Variants in CADM2 observed in about 807,000 individuals in gnomAD.
The protein encoded by CADM2 is cell adhesion molecule 2, also known as immunoglobulin superfamily member 4D.
CADM2 carries 12 observed loss-of-function variants against 49.8 expected under a neutral mutation model. That is an observed-to-expected ratio of 0.24 (90% confidence interval 0.15 to 0.39). The LOEUF is 0.39. CADM2 is among the 10% of genes least tolerant of loss of function. The probability of loss-of-function intolerance (pLI) is 1.00; values close to 1 mark genes in which losing one functional copy is unlikely to be tolerated. For missense variants in CADM2, 378 were observed against 492.3 expected (o/e 0.77, Z 2.20); for synonymous variants, 214 against 175.4 (o/e 1.22, Z -1.74).
chr3:85,038,566 C>T (rs1243164456), intron 1 of CADM2, among the ~76,000 whole-genome samples: 1 of 152,258 alleles, frequency 6.6e-6, no homozygotes, highest in East Asian at 1.9e-4. Flanking sequence ...CAATAGGTGG[C>T]TTTGATGCTA....
intron 1 of CADM2, among the ~76,000 whole-genome samples, chr3:85,082,751 G>T (rs994052587): frequency 3.9e-5 from 6 of 152,018 alleles, no homozygotes; most frequent in African/African-American, 1.4e-4. Flanking sequence ...CCAGAATGAG[G>T]AGCCATCATA....
intron 2 of CADM2, among the ~76,000 whole-genome samples, chr3:85,789,896 C>G (rs1471334421): frequency 6.6e-6 from 1 of 152,074 alleles, no homozygotes; most frequent in Non-Finnish European, 1.5e-5. Flanking sequence ...AAAGAATTGA[C>G]TTTGTACACA....
intron 6 of CADM2, among the ~76,000 whole-genome samples, chr3:85,922,420 T>A (rs1294225389): frequency 1.3e-5 from 2 of 152,124 alleles, no homozygotes; most frequent in East Asian, 1.9e-4. Flanking sequence ...GTCTTTTTTT[T>A]AATGACGTAT....
intron 1 of CADM2, among the ~76,000 whole-genome samples, chr3:85,489,779 A>C (rs1336518257): frequency 6.7e-6 from 1 of 148,292 alleles, no homozygotes; most frequent in Non-Finnish European, 1.5e-5. Flanking sequence ...AGAGAGAGAA[A>C]TTATTTAACG....
At chr3:85,861,490 C>A (rs1032549993) in intron 3 of CADM2, among the ~76,000 whole-genome samples, 2 of 152,008 alleles carry the variant, frequency 1.3e-5, no homozygotes, top group Non-Finnish European at 2.9e-5. Flanking sequence ...TCAGGAAATT[C>A]TGTTTTAAAC....
At chr3:85,950,028 A>G (rs540961465) in intron 7 of CADM2, among the ~76,000 whole-genome samples, 12 of 151,336 alleles carry the variant, frequency 7.9e-5, no homozygotes, top group African/African-American at 2.9e-4. Context: ...ATGCACACTC[A>G]TAATTTTTTC....
chr3:85,096,496 T>G (rs559787526), intron 1 of CADM2, among the ~76,000 whole-genome samples: 2 of 152,180 alleles, frequency 1.3e-5, no homozygotes, highest in Non-Finnish European at 2.9e-5. Flanking sequence ...ATATTTATTC[T>G]AGAATATCAG....
intron 1 of CADM2, among the ~76,000 whole-genome samples, chr3:85,725,202 AT>A (rs2067652760): frequency 6.6e-6 from 1 of 151,924 alleles, no homozygotes; most frequent in African/African-American, 2.4e-5. Context: ...TAGGATGTTC[AT>A]TTTAAAATAA....
chr3:85,490,051 A>G (rs182598420), intron 1 of CADM2, among the ~76,000 whole-genome samples: 15 of 104,974 alleles, frequency 1.4e-4, no homozygotes, highest in African/African-American at 5.4e-4. Context: ...AATGCCTTCA[A>G]TTATCTCAGT....
intron 8 of CADM2, among the ~76,000 whole-genome samples, chr3:86,031,771 C>T (rs1559812815): frequency 6.6e-6 from 1 of 151,658 alleles, no homozygotes; most frequent in East Asian, 1.9e-4. Flanking sequence ...TATATTCAGT[C>T]AGTGAGATAG....
At position 85,484,697 on chromosome 3, in the gene CADM2, G is replaced by A. The variant is rs189306817; in HGVS notation, c.62-241825G>A. 1.0e-3 allele frequency among the ~76,000 whole-genome samples: 156 copies of A among 151,998 alleles called. 1 individual carries two copies. The highest frequency in any genetic ancestry group is 2.0e-3 in the Admixed American group (30 of 15,246). ...CCGTCACAGACCCCAACAGCATAAG[G>A]ACAGTGAGTTTAATTGTACAACTTA... On this transcript the variant is annotated intron_variant, in intron 1 of 9. Transcript: ENST00000383699.
At chr3:85,893,595 C>T (rs773423959) in intron 5 of CADM2, among the ~76,000 whole-genome samples, 1 of 152,138 alleles carries the variant, frequency 6.6e-6, no homozygotes, top group Non-Finnish European at 1.5e-5. Flanking sequence ...GCAATCTACT[C>T]ACCTGACAAA....
At chr3:85,508,125 A>G (rs2040439780) in intron 1 of CADM2, among the ~76,000 whole-genome samples, 1 of 152,162 alleles carries the variant, frequency 6.6e-6, no homozygotes, top group African/African-American at 2.4e-5. Flanking sequence ...GAAATCTTGG[A>G]CTTGCCTTCA....
At chr3:85,689,924 G>GA (rs942525347) in intron 1 of CADM2, among the ~76,000 whole-genome samples, 13 of 152,034 alleles carry the variant, frequency 8.6e-5, no homozygotes, top group Non-Finnish European at 1.8e-4. Context: ...CAACAGAAAG[G>GA]AAAAAACAGG....
chr3:84,999,838 A>T (rs1490831730), intron 1 of CADM2, among the ~76,000 whole-genome samples: 2 of 152,118 alleles, frequency 1.3e-5, no homozygotes, highest in Admixed American at 6.6e-5. Context: ...ATTTTGAAAG[A>T]GAATGATTTT....
chr3:85,676,333 G>A (rs1577066610), intron 1 of CADM2, among the ~76,000 whole-genome samples: 1 of 152,092 alleles, frequency 6.6e-6, no homozygotes, highest in Middle Eastern at 3.4e-3. Flanking sequence ...ATTCCATTTG[G>A]CATAAAATAT....
intron 1 of CADM2, among the ~76,000 whole-genome samples, chr3:85,207,051 TG>T (rs1334405803): frequency 4.6e-5 from 1 of 21,782 alleles, no homozygotes; most frequent in Non-Finnish European, 1.1e-4. Context: ...AAGAAATAAA[TG>T]TGTGTGTGTG....
intron 6 of CADM2, among the ~76,000 whole-genome samples, chr3:85,920,978 T>C (rs1288513980): frequency 2.6e-5 from 4 of 151,834 alleles, no homozygotes; most frequent in Non-Finnish European, 5.9e-5. Context: ...AAAACACACC[T>C]TAATTTCATA....
intron 7 of CADM2, among the ~76,000 whole-genome samples, chr3:85,938,998 T>C (rs1431333611): frequency 6.6e-6 from 1 of 152,044 alleles, no homozygotes. Flanking sequence ...AGTAATTAGG[T>C]ATATTGGTAG....
Sources: gnomAD v4.1 joint callset for allele counts (sites outside exome capture counted in the v4.1 genomes callset) on GRCh38, gnomAD v4.1.1 for gene constraint, MANE v1.5 for transcripts, NCBI Gene and HGNC (gene_info 2026-07-23, HGNC 2026-07-21) for gene names.